The following DCC variants were observed in gnomAD, a reference collection of about 807,000 sequenced individuals.
DCC encodes the protein DCC netrin 1 receptor, also known as netrin receptor DCC.
Under a neutral mutation model 172.5 loss-of-function variants are expected in DCC, and 58 were observed. That is an observed-to-expected ratio of 0.34 (90% CI 0.27 to 0.42). The LOEUF (loss-of-function observed/expected upper bound fraction) is 0.42, where lower values mean the gene tolerates loss of function less well. Among genes scored for constraint, DCC ranks in the 10% least tolerant of loss-of-function variants. The pLI is 1.00. For missense variants in DCC, 1,740 were observed against 1,791.0 expected, an observed-to-expected ratio of 0.97 and a Z score of 0.51; for synonymous variants, 709 against 644.5, an observed-to-expected ratio of 1.10 and a Z score of -1.52.
intron 20 of DCC, among the ~76,000 whole-genome samples, chr18:53,414,391 C>T (rs1910175424): frequency 6.6e-6 from 1 of 152,014 alleles, no homozygotes; most frequent in Admixed American, 6.6e-5. Flanking sequence ...TGGGAGGAAA[C>T]TTTGGGAGTT....
At chr18:53,490,045 T>A (rs1335732092) in intron 26 of DCC, among the ~76,000 whole-genome samples, 1 of 152,178 alleles carries the variant, frequency 6.6e-6, no homozygotes, top group Admixed American at 6.5e-5. Context: ...TTAAGTGATT[T>A]CCACTCTTCC....
At chr18:52,718,958 A>G (rs949954635) in intron 1 of DCC, among the ~76,000 whole-genome samples, 9 of 152,320 alleles carry the variant, frequency 5.9e-5, no homozygotes, top group Non-Finnish European at 1.2e-4. Flanking sequence ...GGAGACCTCA[A>G]GTGTGAAATC....
chr18:52,587,265 G>A (rs528358238), intron 1 of DCC, among the ~76,000 whole-genome samples: 2 of 152,214 alleles, frequency 1.3e-5, no homozygotes, highest in Non-Finnish European at 2.9e-5. Context: ...GTGAGTGGAA[G>A]TCTATGTTGC....
chr18:52,497,099 T>TA (rs1251293032), intron 1 of DCC, among the ~76,000 whole-genome samples: 14 of 147,566 alleles, frequency 9.5e-5, no homozygotes, highest in Admixed American at 4.8e-4. Flanking sequence ...TACAGAAAAT[T>TA]AAAAAAAAAT....
At chr18:53,298,060 G>A (rs2057088319) in intron 12 of DCC, among the ~76,000 whole-genome samples, 1 of 152,096 alleles carries the variant, frequency 6.6e-6, no homozygotes, top group Non-Finnish European at 1.5e-5. Flanking sequence ...GGCTATGTGG[G>A]AATAATTTAA....
intron 5 of DCC, among the ~76,000 whole-genome samples, chr18:52,974,441 G>A (rs2041081129): frequency 6.6e-6 from 1 of 152,132 alleles, no homozygotes; most frequent in African/African-American, 2.4e-5. Flanking sequence ...AGCCACATTT[G>A]CATAAGGCTG....
chr18:52,682,615 T>A (rs1488901922), intron 1 of DCC, among the ~76,000 whole-genome samples: 1 of 152,108 alleles, frequency 6.6e-6, no homozygotes, highest in East Asian at 1.9e-4. Flanking sequence ...TATGAGGTGC[T>A]ATTCTGGGAT....
At chr18:53,141,902 C>T (rs751695675) in intron 7 of DCC, among the ~76,000 whole-genome samples, 2 of 152,150 alleles carry the variant, frequency 1.3e-5, no homozygotes, top group Non-Finnish European at 1.5e-5. Flanking sequence ...ACATTGAACA[C>T]CAAGCTACCT....
At chr18:52,883,697 TTG>T (rs1418601937) in intron 2 of DCC, among the ~76,000 whole-genome samples, 1 of 135,634 alleles carries the variant, frequency 7.4e-6, no homozygotes, top group East Asian at 2.1e-4. Flanking sequence ...TGCTTTTGAG[TTG>T]TTCATTGTTA....
At chr18:53,048,588 C>A (rs571290294) in intron 5 of DCC, among the ~76,000 whole-genome samples, 1 of 129,458 alleles carries the variant, frequency 7.7e-6, no homozygotes, top group Non-Finnish European at 1.6e-5. Context: ...TATATATATA[C>A]GTATATACAT....
At chr18:52,649,148 T>TG (rs1273353556) in intron 1 of DCC, among the ~76,000 whole-genome samples, 1 of 151,674 alleles carries the variant, frequency 6.6e-6, no homozygotes, top group Admixed American at 6.6e-5. Context: ...CTGAGGCGGG[T>TG]GGATCATGAG....
intron 21 of DCC, among the ~76,000 whole-genome samples, chr18:53,434,764 A>G (rs530769505): frequency 5.4e-4 from 83 of 152,320 alleles, no homozygotes; most frequent in African/African-American, 2.0e-3. Context: ...GTTGGGTGAC[A>G]GTATCTGCAG....
At chr18:53,169,442 A>G (rs909891784) in intron 8 of DCC, among the ~76,000 whole-genome samples, 1 of 152,160 alleles carries the variant, frequency 6.6e-6, no homozygotes, top group African/African-American at 2.4e-5. Context: ...GTGAATTTTC[A>G]TTGAGTAAAT....
At chr18:53,296,694 G>A (rs772449105) in intron 12 of DCC, among the ~76,000 whole-genome samples, 5 of 152,168 alleles carry the variant, frequency 3.3e-5, no homozygotes, top group Non-Finnish European at 5.9e-5. Context: ...TTCTTTCAAA[G>A]TACTGATGGG....
chr18:53,143,403 T>G (rs535032512), intron 7 of DCC, among the ~76,000 whole-genome samples: 1 of 152,196 alleles, frequency 6.6e-6, no homozygotes, highest in South Asian at 2.1e-4. Flanking sequence ...AGTTTAAGAA[T>G]AAAACTCTTA....
At chr18:53,112,824 G>A (rs2043352611) in intron 7 of DCC, among the ~76,000 whole-genome samples, 1 of 151,460 alleles carries the variant, frequency 6.6e-6, no homozygotes, top group Non-Finnish European at 1.5e-5. Context: ...GAAGTACTCT[G>A]TACTACCTTG....
At chr18:52,581,187 T>TATCTATCTATC (rs1555699056) in intron 1 of DCC, among the ~76,000 whole-genome samples, 12 of 146,452 alleles carry the variant, frequency 8.2e-5, no homozygotes, top group African/African-American at 3.0e-4. Context: ...TCTATATATC[T>TATCTATCTATC]TATCTATCTA....
At chr18:53,188,622 G>C (rs557176458) in intron 9 of DCC, among the ~76,000 whole-genome samples, 14 of 152,246 alleles carry the variant, frequency 9.2e-5, no homozygotes, top group Admixed American at 5.2e-4. Context: ...TTTGGGTGTT[G>C]CATTATTTAT....
intron 2 of DCC, among the ~76,000 whole-genome samples, chr18:52,821,666 A>G (rs967679701): frequency 6.6e-6 from 1 of 152,194 alleles, no homozygotes; most frequent in Non-Finnish European, 1.5e-5. Flanking sequence ...TAAACTTCTC[A>G]AACTTTTAAC....
Sources: allele counts gnomAD v4.1 joint callset (sites outside exome capture counted in the v4.1 genomes callset), GRCh38; gene constraint gnomAD v4.1.1; transcripts MANE v1.5; gene names NCBI Gene and HGNC (gene_info 2026-07-23, HGNC 2026-07-21).